Variants in SYT14 observed in about 807,000 individuals in gnomAD.
SYT14 encodes the protein synaptotagmin-14.
A neutral mutation model predicts 74.2 loss-of-function variants in SYT14; 32 were observed. The ratio of observed to expected loss-of-function variants is 0.43; its 90% confidence interval spans 0.33 to 0.58. The LOEUF is 0.58. SYT14 is among the 20% of genes least tolerant of loss of function. The probability of loss-of-function intolerance (pLI) is 0.05; values close to 1 mark genes in which losing one functional copy is unlikely to be tolerated. For synonymous variants in SYT14, 298 were observed against 337.7 expected (o/e 0.88, Z 1.29); for missense variants, 791 against 981.8 (o/e 0.81, Z 2.60).
At chr1:210,081,302 C>T (rs1290396840) in intron 5 of SYT14, among the ~76,000 whole-genome samples, 3 of 152,128 alleles carry the variant, frequency 2.0e-5, no homozygotes, top group East Asian at 1.9e-4. Flanking sequence ...TCCCTGGAAC[C>T]GGAGCAAGAC....
chr1:210,013,832 T>G, intron 3 of SYT14, 35 bp downstream of exon 3: 1 of 1,597,536 alleles, frequency 6.3e-7, no homozygotes, highest in South Asian at 1.1e-5. Context: ...TTGTTTGTTC[T>G]TTTTATCCGT....
At chr1:210,161,632 C>G (rs2083374632) in exon 10 of SYT14, 2 of 453,922 alleles carry the variant, frequency 4.4e-6, no homozygotes, top group Non-Finnish European at 8.8e-6. Flanking sequence ...AGCACTAAAT[C>G]TAAGTGCAAA....
exon 6 of SYT14, chr1:210,094,334 A>G: frequency 3.1e-6 from 5 of 1,613,882 alleles, no homozygotes; most frequent in Non-Finnish European, 1.7e-6. Flanking sequence ...AACTGCATTC[A>G]GAGAATGAGA....
chr1:210,164,046 C>A (rs1403316912), exon 10 of SYT14: 1 of 453,372 alleles, frequency 2.2e-6, no homozygotes, highest in Non-Finnish European at 4.4e-6. Flanking sequence ...GTTTATTTTT[C>A]TCCCAAATGA....
chr1:209,987,018 C>T (rs1200794301), intron 2 of SYT14, among the ~76,000 whole-genome samples: 1 of 152,238 alleles, frequency 6.6e-6, no homozygotes, highest in Non-Finnish European at 1.5e-5. Flanking sequence ...TACCTTTGCT[C>T]CAGTTCCCAG....
rs932526181 is a variant in SYT14, at chr1:210,075,709, G to T, written c.1313-18613G>T. Among the ~76,000 whole-genome samples, 6 of 152,042 alleles carry T rather than the reference G, an allele frequency of 3.9e-5. No homozygotes were observed. The East Asian group carries it at 1.2e-3, about 29-fold the overall frequency. On this transcript the variant is annotated intron_variant, in intron 5 of 9. Coordinates refer to ENST00000637265, the Ensembl canonical transcript of SYT14. ...GTCTTAGGAAATGCAACATTTGGGC[G>T]CAAAGACAGGAGTACCTGTCCTCAC...
chr1:209,943,839 C>T (rs904254744), intron 1 of SYT14, among the ~76,000 whole-genome samples: 7 of 152,142 alleles, frequency 4.6e-5, no homozygotes, highest in Admixed American at 2.0e-4. Flanking sequence ...AAACATTTCA[C>T]GCTTTTGAGT....
chr1:209,989,253 A>G (rs2079623499), intron 2 of SYT14, among the ~76,000 whole-genome samples: 2 of 152,180 alleles, frequency 1.3e-5, no homozygotes, highest in Admixed American at 6.6e-5. Context: ...ATTTAAATAG[A>G]CTATATAAAA....
intron 5 of SYT14, among the ~76,000 whole-genome samples, chr1:210,034,654 G>A (rs1189530125): frequency 2.6e-5 from 4 of 151,512 alleles, no homozygotes; most frequent in African/African-American, 9.7e-5. Context: ...CAATTTCTAT[G>A]TTCAGTTTCT....
intron 5 of SYT14, among the ~76,000 whole-genome samples, chr1:210,075,123 C>T (rs1253781248): frequency 5.3e-5 from 8 of 152,318 alleles, no homozygotes; most frequent in African/African-American, 1.7e-4. Context: ...TCTCCTCTGA[C>T]TACCCCAGCC....
At chr1:210,150,725 A>C (rs915673762) in intron 7 of SYT14, among the ~76,000 whole-genome samples, 3 of 152,258 alleles carry the variant, frequency 2.0e-5, no homozygotes, top group African/African-American at 7.2e-5. Flanking sequence ...TAAGTTGCAC[A>C]GACACTATTC....
intron 7 of SYT14, among the ~76,000 whole-genome samples, chr1:210,103,001 CTTA>C (rs1288742798): frequency 2.6e-5 from 4 of 152,188 alleles, no homozygotes; most frequent in Non-Finnish European, 4.4e-5. Flanking sequence ...TGAATAATCA[CTTA>C]TTATTGTTGT....
chr1:210,162,440 G>T, exon 10 of SYT14: 1 of 375,268 alleles, frequency 2.7e-6, no homozygotes, highest in South Asian at 2.1e-5. Flanking sequence ...CTCTAATCAG[G>T]AATATTATAA....
At chr1:210,086,353 T>C (rs1024008742) in intron 5 of SYT14, among the ~76,000 whole-genome samples, 1 of 152,236 alleles carries the variant, frequency 6.6e-6, no homozygotes, top group Non-Finnish European at 1.5e-5. Context: ...AATTTTTCAC[T>C]TATTCATATA....
intron 2 of SYT14, among the ~76,000 whole-genome samples, chr1:210,005,939 T>G (rs938018880): frequency 2.0e-5 from 3 of 151,942 alleles, no homozygotes; most frequent in Non-Finnish European, 2.9e-5. Flanking sequence ...CAAATGAAAT[T>G]TCAATTTATT....
exon 5 of SYT14, chr1:210,021,123 C>G: frequency 6.2e-7 from 1 of 1,613,918 alleles, no homozygotes; most frequent in Non-Finnish European, 8.5e-7. Context: ...GAGGCCTTAT[C>G]CAGAACACAC....
At chr1:210,061,946 A>G (rs561851552) in intron 5 of SYT14, among the ~76,000 whole-genome samples, 9 of 151,722 alleles carry the variant, frequency 5.9e-5, no homozygotes, top group South Asian at 4.2e-4. Flanking sequence ...TATTTTTTCA[A>G]TTATCTCTTT....
Position 209,992,406 on chromosome 1 carries a change from T to C in SYT14, c.-485-21227T>C, listed in dbSNP as rs529456742. Among the ~76,000 whole-genome samples, 4 of 152,300 alleles carry C rather than the reference T, an allele frequency of 2.6e-5. No homozygotes were observed. In the South Asian group the frequency reaches 8.3e-4, roughly 32 times the overall value. On this transcript the variant is annotated intron_variant, in intron 2 of 9. Coordinates refer to ENST00000637265, the Ensembl canonical transcript of SYT14. ...CAACATGGAGGGAACTGGAGGCCATTATTTTAAGTGAAATAACTAAAAAAC... is the reference window on the plus strand; with the variant it reads ...CAACATGGAGGGAACTGGAGGCCATCATTTTAAGTGAAATAACTAAAAAAC...
At chr1:210,097,994 T>C (rs2081995377) in intron 6 of SYT14, among the ~76,000 whole-genome samples, 1 of 152,078 alleles carries the variant, frequency 6.6e-6, no homozygotes, top group Non-Finnish European at 1.5e-5. Flanking sequence ...CTGGGCAACA[T>C]AGACTTTTGT....
Sources: gnomAD v4.1 joint callset for allele counts (sites outside exome capture counted in the v4.1 genomes callset) on GRCh38, gnomAD v4.1.1 for gene constraint, MANE v1.5 for transcripts, NCBI Gene and HGNC (gene_info 2026-07-23, HGNC 2026-07-21) for gene names.